LUZP2: variants seen among roughly 807,000 people sequenced by gnomAD.
The protein encoded by LUZP2 is leucine zipper protein 2.
In LUZP2, 52 loss-of-function variants were observed where a neutral mutation model predicts 51.6. The observed-to-expected ratio is 1.01, with a 90% CI of 0.81 to 1.27. The LOEUF is 1.27. LUZP2 is among the 50% of genes most tolerant of loss of function. LUZP2 has a pLI of 0.00. For missense variants in LUZP2, 436 were observed against 395.4 expected (o/e 1.10, Z -0.87); for synonymous variants, 154 against 137.3 (o/e 1.12, Z -0.85).
At chr11:24,969,004 T>C (rs1192213189) in intron 7 of LUZP2, among the ~76,000 whole-genome samples, 2 of 152,222 alleles carry the variant, frequency 1.3e-5, no homozygotes, top group Non-Finnish European at 2.9e-5. Flanking sequence ...TTGAATCCTT[T>C]TTTTAAGTTA....
intron 1 of LUZP2, among the ~76,000 whole-genome samples, chr11:24,562,204 T>C (rs1852062466): frequency 6.6e-6 from 1 of 152,104 alleles, no homozygotes; most frequent in African/African-American, 2.4e-5. Flanking sequence ...AATATTTTCT[T>C]GTAATCCTTT....
intron 5 of LUZP2, among the ~76,000 whole-genome samples, chr11:24,854,494 G>A (rs1851492435): frequency 6.6e-6 from 1 of 152,140 alleles, no homozygotes; most frequent in African/African-American, 2.4e-5. Flanking sequence ...ATACCAGGTT[G>A]TCTTCAGACT....
chr11:24,682,689 G>T (rs931665819), intron 1 of LUZP2, among the ~76,000 whole-genome samples: 1 of 151,130 alleles, frequency 6.6e-6, no homozygotes, highest in African/African-American at 2.4e-5. Flanking sequence ...TAAGGAAGGT[G>T]TTGATGACTA....
intron 1 of LUZP2, among the ~76,000 whole-genome samples, chr11:24,629,549 CATATAT>C (rs3078021): frequency 7.1e-6 from 1 of 141,120 alleles, no homozygotes; most frequent in Admixed American, 7.3e-5. Flanking sequence ...TATTCCATTG[CATATAT>C]ATATATATAT....
intron 5 of LUZP2, among the ~76,000 whole-genome samples, chr11:24,776,236 C>T (rs1034171706): frequency 6.6e-6 from 1 of 152,200 alleles, no homozygotes; most frequent in African/African-American, 2.4e-5. Context: ...AGACTAACAA[C>T]TGTGCAATTC....
At chr11:25,016,536 A>T (rs1429597214) in intron 9 of LUZP2, among the ~76,000 whole-genome samples, 3 of 152,080 alleles carry the variant, frequency 2.0e-5, no homozygotes, top group Non-Finnish European at 4.4e-5. Context: ...ATATATATGT[A>T]TATATATACA....
In LUZP2 at chr11:24,611,541, T is replaced by G. The variant is rs898807123; in HGVS notation, c.62+114236T>G. ...TGAAAAGATACATTGAGTCAGAGTT[T>G]GGCAATTATGGAACTAGGGTGGAAA... On this transcript the variant is annotated intron_variant, in intron 1 of 11. Transcript: ENST00000336930. The surrounding 1 kb of genome is among the most constrained non-coding windows in gnomAD (Gnocchi z 4.6). Among the ~76,000 whole-genome samples, 3 of 152,114 alleles carry G rather than the reference T, an allele frequency of 2.0e-5. No homozygotes were observed. Among genetic ancestry groups the G allele is most frequent in the African/African-American group, 7.2e-5 (3 of 41,418 alleles).
At chr11:24,534,451 AAGAT>A (rs35957002) in intron 1 of LUZP2, among the ~76,000 whole-genome samples, 32,218 of 150,912 alleles carry the variant, frequency 0.21, 4,212 homozygotes, top group African/African-American at 0.37. Context: ...TCTATCTAGA[AAGAT>A]AGAGCATAAG....
chr11:24,499,384 A>T (rs566284245), intron 1 of LUZP2, among the ~76,000 whole-genome samples: 18 of 152,248 alleles, frequency 1.2e-4, no homozygotes, highest in Non-Finnish European at 2.2e-4. Flanking sequence ...GATCTCTAAC[A>T]GAAGGCCATT....
At chr11:24,574,211 C>CCTTTCTTTCTTTCTTTCTTT (rs1169525307) in intron 1 of LUZP2, among the ~76,000 whole-genome samples, 2 of 6,056 alleles carry the variant, frequency 3.3e-4, no homozygotes, top group African/African-American at 4.0e-4. Flanking sequence ...TTTCTTCCTT[C>CCTTTCTTTCTTTCTTTCTTT]CTTTCTTTCT....
At chr11:24,665,927 A>C (rs957269440) in intron 1 of LUZP2, among the ~76,000 whole-genome samples, 7 of 151,856 alleles carry the variant, frequency 4.6e-5, no homozygotes, top group African/African-American at 1.5e-4. Flanking sequence ...GTTTGTTTCC[A>C]TTTTTTTTAC....
rs139930485 is a variant in LUZP2, at chr11:24,526,799, T to C, written c.62+29494T>C. Among the ~76,000 whole-genome samples, 18 of 151,442 alleles carry C rather than the reference T, an allele frequency of 1.2e-4. No individual in the cohort carries two copies. In the East Asian group the frequency reaches 3.5e-3, roughly 29 times the overall value. On this transcript the variant is annotated intron_variant, in intron 1 of 11. Transcript: ENST00000336930. ...TTTTTTGGTCCTATTGATACAGAAGTTTCATTTCCACAATGGAGTTGGACT... is the reference window on the plus strand; with the variant it reads ...TTTTTTGGTCCTATTGATACAGAAGCTTCATTTCCACAATGGAGTTGGACT...
At chr11:24,660,204 A>G (rs938192626) in intron 1 of LUZP2, among the ~76,000 whole-genome samples, 1 of 152,180 alleles carries the variant, frequency 6.6e-6, no homozygotes, top group African/African-American at 2.4e-5. Context: ...GCAATCTTGT[A>G]AACATAGGAC....
At chr11:25,044,863 G>A (rs1212816929) in intron 9 of LUZP2, among the ~76,000 whole-genome samples, 6 of 151,880 alleles carry the variant, frequency 4.0e-5, no homozygotes, top group East Asian at 3.9e-4. Flanking sequence ...TATACACCAC[G>A]GAATACTATG....
At chr11:24,774,362 C>CTCTCTCTCTCTCTCTCTCTATATATATA in intron 5 of LUZP2, among the ~76,000 whole-genome samples, 1 of 76,342 alleles carries the variant, frequency 1.3e-5, no homozygotes, top group Admixed American at 1.5e-4. Flanking sequence ...CTCTCTCTCT[C>CTCTCTCTCTCTCTCTCTCTATATATATA]TATATATATA....
chr11:24,649,845 G>T (rs898172295), intron 1 of LUZP2, among the ~76,000 whole-genome samples: 1 of 151,968 alleles, frequency 6.6e-6, no homozygotes, highest in African/African-American at 2.4e-5. Context: ...CTTGCTGAAA[G>T]CTTGGGCCAC....
intron 5 of LUZP2, among the ~76,000 whole-genome samples, chr11:24,792,933 C>A (rs535502222): frequency 6.6e-6 from 1 of 152,086 alleles, no homozygotes; most frequent in Non-Finnish European, 1.5e-5. Context: ...TCCTTTTCCC[C>A]CATTTTCTCA....
At chr11:25,073,053 G>A (rs1406793942) in intron 10 of LUZP2, among the ~76,000 whole-genome samples, 1 of 152,034 alleles carries the variant, frequency 6.6e-6, no homozygotes, top group Non-Finnish European at 1.5e-5. Context: ...TTAAAAAGGG[G>A]GTGGGCTAGC....
rs889336873 is a variant in LUZP2 at position 24,930,250 on chromosome 11, C to T, written c.522+15712C>T. ...CATTCAATGTTACTATTGAGATGTGCGGTACTATTCTAGTCATCATGCTAT... is the reference window on the plus strand; with the variant it reads ...CATTCAATGTTACTATTGAGATGTGTGGTACTATTCTAGTCATCATGCTAT... On this transcript the variant is annotated intron_variant, in intron 7 of 11. Transcript: ENST00000336930. 5.3e-5 allele frequency among the ~76,000 whole-genome samples: 8 copies of T among 152,068 alleles called. No individual in the cohort carries two copies. The East Asian group carries it at 5.8e-4, about 11-fold the overall frequency.
Sources: allele counts gnomAD v4.1 joint callset (sites outside exome capture counted in the v4.1 genomes callset), GRCh38; gene constraint gnomAD v4.1.1; non-coding constraint Gnocchi (gnomAD v3.1); transcripts MANE v1.5; gene names NCBI Gene and HGNC (gene_info 2026-07-23, HGNC 2026-07-21).